Variants in PPCS observed in about 807,000 individuals in gnomAD.
The protein encoded by PPCS is phosphopantothenate--cysteine ligase.
A neutral mutation model predicts 24.6 loss-of-function variants in PPCS; 17 were observed. The ratio of observed to expected loss-of-function variants is 0.69; its 90% CI spans 0.47 to 1.04. The LOEUF (loss-of-function observed/expected upper bound fraction) is 1.04, where lower values mean the gene tolerates loss of function less well. Ranked by LOEUF, PPCS falls within the 50% of genes least tolerant of loss-of-function variation. The pLI is 0.00. For missense variants in PPCS, 360 were observed against 402.8 expected, an observed-to-expected ratio of 0.89 and a Z score of 0.91; for synonymous variants, 190 against 168.3, an observed-to-expected ratio of 1.13 and a Z score of -1.00.
downstream of PPCS, chr1:42,463,938 CTT>C (rs1373857896): frequency 6.6e-6 from 1 of 152,194 alleles, no homozygotes; most frequent in East Asian, 1.9e-4. Context: ...ACTTTTTCCA[CTT>C]CTCTCATCAC....
At chr1:42,468,205 C>T (rs1329791850) in intron 2 of PPCS, among the ~76,000 whole-genome samples, 2 of 152,160 alleles carry the variant, frequency 1.3e-5, no homozygotes, top group Non-Finnish European at 2.9e-5. Flanking sequence ...AAATGTATTC[C>T]TCCCACATAA....
chr1:42,459,954 T>C lies in PPCS; in HGVS notation c.*28T>C, dbSNP rs1643365782. The C allele has an allele frequency of 6.4e-7, 1 of 1,562,278 alleles. No individual in the cohort carries two copies. The highest frequency in any genetic ancestry group is 2.0e-5 in the Admixed American group (1 of 51,132). Reference sequence around the variant, plus strand: ...TAAAAAGCCCTTATAGGATCAAAAATTGTTCAGGGCTCTTAGAGATGGTGA... The same window carrying C: ...TAAAAAGCCCTTATAGGATCAAAAACTGTTCAGGGCTCTTAGAGATGGTGA... On this transcript the variant is annotated 3_prime_UTR_variant, in exon 3 of 3. Transcript: ENST00000372561.
intron 2 of PPCS, among the ~76,000 whole-genome samples, chr1:42,472,306 C>T (rs1447303363): frequency 6.6e-6 from 1 of 152,110 alleles, no homozygotes; most frequent in Non-Finnish European, 1.5e-5. Context: ...CTTCATCGAT[C>T]AGCAGATATT....
downstream of PPCS, among the ~76,000 whole-genome samples, chr1:42,465,595 C>T (rs776511873): frequency 5.9e-5 from 9 of 152,134 alleles, no homozygotes; most frequent in Non-Finnish European, 1.3e-4. Context: ...GAACTCCTGA[C>T]CCCAGGTGAT....
rs1643195314 is a variant in PPCS at position 42,456,622 on chromosome 1, G to T, written c.57G>T (p.Trp19Cys). The change falls in exon 1 of 3, where the codon TGG becomes TGT. Residue 19 changes from tryptophan to cysteine, a missense_variant. Coordinates refer to ENST00000372561, the MANE Select transcript of PPCS (RefSeq NM_024664.4). ...EFPQPPGAAR[W>C]AEVMARFAAR... ...CCCAGCCTCCCGGTGCTGCGCGCTG[G>T]GCTGAGGTTATGGCTCGCTTCGCGG... is the stretch of plus-strand genomic sequence containing the variant. 1 of 1,576,308 alleles carries T rather than the reference G, an allele frequency of 6.3e-7. No individual in the cohort carries two copies.
rs1410527111 is a variant in PPCS, at chr1:42,457,367, T to C, written c.612+17T>C. The C allele has an allele frequency of 1.6e-5, 25 of 1,601,360 alleles. No individual in the cohort carries two copies. Among genetic ancestry groups the C allele is most frequent in the Non-Finnish European group, 2.1e-5 (24 of 1,168,556 alleles). On this transcript the variant is annotated intron_variant, in intron 2 of 2. Transcript: ENST00000372561. ...CCACTGCAGGTGATGGGCGCTTCTCTTCCAGAGATCTAATCCCATATAACC... is the reference window on the plus strand; with the variant it reads ...CCACTGCAGGTGATGGGCGCTTCTCCTCCAGAGATCTAATCCCATATAACC...
chr1:42,463,071 C>T (rs560690673), downstream of PPCS, among the ~76,000 whole-genome samples: 94 of 152,316 alleles, frequency 6.2e-4, no homozygotes, highest in Non-Finnish European at 1.2e-3. Context: ...CGCAAACGCT[C>T]GACATGTTAC....
intron 2 of PPCS, among the ~76,000 whole-genome samples, chr1:42,472,106 T>C (rs1243860996): frequency 6.6e-6 from 1 of 152,008 alleles, no homozygotes; most frequent in Non-Finnish European, 1.5e-5. Context: ...ATACAAAAAT[T>C]AGCCAGGTGT....
At chr1:42,473,273 T>G in exon 3 of PPCS, 3 of 1,231,524 alleles carry the variant, frequency 2.4e-6, no homozygotes, top group Non-Finnish European at 3.0e-6. Flanking sequence ...TAGAAGAGCT[T>G]ATAGTGAAGC....
rs1643239485 is a variant in PPCS at position 42,457,228 on chromosome 1, CT to C, written c.509-17del. 1 of 1,613,786 alleles carries C rather than the reference CT, an allele frequency of 6.2e-7. No individual in the cohort carries two copies. Among genetic ancestry groups the C allele is most frequent in the Non-Finnish European group, 8.5e-7 (1 of 1,179,734 alleles). ...TCGTACCTCGCCGATTTGTTAACAC[CT>C]TGTGTTTCTCTTTGCAGGCCCTTCT... On this transcript the variant is annotated intron_variant, in intron 1 of 2. Coordinates refer to ENST00000372561, the MANE Select transcript of PPCS (RefSeq NM_024664.4).
intron 2 of PPCS, among the ~76,000 whole-genome samples, chr1:42,472,083 G>A (rs1381795004): frequency 3.3e-5 from 5 of 151,892 alleles, no homozygotes; most frequent in African/African-American, 7.3e-5. Flanking sequence ...GTGAAACCTC[G>A]TCTCTACTAA....
chr1:42,457,027 C>T lies in PPCS; in HGVS notation c.462C>T (p.Asp154=). Residue 154 remains aspartate, a synonymous_variant, in exon 1 of 3, where the codon GAC becomes GAT. Coordinates refer to ENST00000372561, the MANE Select transcript of PPCS (RefSeq NM_024664.4). ...CAGTAGAGTTCACCACTTTGGCGGACTATTTGCATCTGTTGCAGGCTGCGG... is the reference window on the plus strand; with the variant it reads ...CAGTAGAGTTCACCACTTTGGCGGATTATTTGCATCTGTTGCAGGCTGCGG... ...FLAVEFTTLA[D]YLHLLQAAAQ... The T allele has an allele frequency of 6.2e-7, 1 of 1,601,610 alleles. No individual in the cohort carries two copies.
At chr1:42,463,358 C>T (rs2148426360), downstream of PPCS, 1 of 152,366 alleles carries the variant, frequency 6.6e-6, no homozygotes, top group East Asian at 1.9e-4. Flanking sequence ...GACCCCGGGA[C>T]GCTCGCGGCA....
rs1643305242 is a variant in PPCS, at chr1:42,458,515, C to T, written c.613-1088C>T. Among the ~76,000 whole-genome samples the T allele has an allele frequency of 3.9e-5, 6 of 152,278 alleles. 1 individual carries two copies. The highest frequency in any genetic ancestry group is 3.3e-4 in the Admixed American group (5 of 15,294). On this transcript the variant is annotated intron_variant, in intron 2 of 2. Transcript: ENST00000372561. ...GATGAAAGCAGTGAAAAGAAACATA[C>T]CCTGCCTTTGTGTTGCTTCCTCTGC...
rs369605166 is a variant in PPCS at position 42,457,120 on chromosome 1, T to C, written c.508+47T>C. ...CTTTTGCCTGGAAGCACAGCCTTTC[T>C]TTCCAGCCACTTATCCCCTTACCTC... is the stretch of plus-strand genomic sequence containing the variant. On this transcript the variant is annotated intron_variant, in intron 1 of 2. Coordinates refer to ENST00000372561, the MANE Select transcript of PPCS (RefSeq NM_024664.4). 2.4e-5 allele frequency: 38 copies of C among 1,576,236 alleles called. No individual in the cohort carries two copies. The African/African-American group carries it at 3.9e-4, about 16-fold the overall frequency.
rs367784739 is a variant in PPCS, at chr1:42,468,068, AG to A, written n.378-5053del. On this transcript the variant is annotated intron_variant and non_coding_transcript_variant, in intron 2 of 2. Coordinates refer to the PPCS transcript ENST00000471420. Reference sequence around the variant, plus strand: ...GTAGTTCTGTATCCAATTCCTGTGTAGCCACATTTAGTTTCCAGCATATGTC... The same window carrying A: ...GTAGTTCTGTATCCAATTCCTGTGTACCACATTTAGTTTCCAGCATATGTC... Among the ~76,000 whole-genome samples, 11 of 152,320 alleles carry A rather than the reference AG, an allele frequency of 7.2e-5. No homozygotes were observed. In the East Asian group the frequency reaches 2.1e-3, roughly 29 times the overall value.
chr1:42,464,767 C>A (rs1353850117), downstream of PPCS, among the ~76,000 whole-genome samples: 1 of 152,136 alleles, frequency 6.6e-6, no homozygotes, highest in Non-Finnish European at 1.5e-5. Flanking sequence ...TAAAAGTAAA[C>A]CTATTTTGAG....
chr1:42,457,381 T>C, intron 2 of PPCS, 31 bp downstream of exon 2: 1 of 1,576,398 alleles, frequency 6.3e-7, no homozygotes, highest in South Asian at 1.1e-5. Context: ...AGAGATCTAA[T>C]CCCATATAAC....
downstream of PPCS, chr1:42,464,238 C>T (rs1488156802): frequency 1.3e-5 from 2 of 152,024 alleles, no homozygotes; most frequent in African/African-American, 4.8e-5. Context: ...ACATTAAATA[C>T]TGTAGGTCTA....
Sources: gnomAD v4.1 joint callset for allele counts (sites outside exome capture counted in the v4.1 genomes callset) on GRCh38, gnomAD v4.1.1 for gene constraint, MANE v1.5 for transcripts, NCBI Gene and HGNC (gene_info 2026-07-23, HGNC 2026-07-21) for gene names.